SHTN1: variants seen among roughly 807,000 people sequenced by gnomAD.
SHTN1 encodes the protein shootin-1.
A neutral mutation model predicts 83.1 loss-of-function variants in SHTN1; 42 were observed. That is an observed-to-expected ratio of 0.51 (90% CI 0.39 to 0.65). SHTN1 has a LOEUF of 0.65. Among genes scored for constraint, SHTN1 ranks in the 30% least tolerant of loss-of-function variants. The pLI is 0.00. For missense variants in SHTN1, 622 were observed against 737.8 expected, an observed-to-expected ratio of 0.84 and a Z score of 1.82; for synonymous variants, 224 against 247.7, an observed-to-expected ratio of 0.90 and a Z score of 0.90.
intron 2 of SHTN1, among the ~76,000 whole-genome samples, chr10:117,026,677 C>A (rs962668872): frequency 3.9e-5 from 6 of 152,218 alleles, no homozygotes; most frequent in Non-Finnish European, 8.8e-5. Context: ...CTGCCTAAGC[C>A]TCCCAAAGTG....
intron 1 of SHTN1, among the ~76,000 whole-genome samples, chr10:117,106,903 C>A (rs1434977343): frequency 6.6e-6 from 1 of 152,034 alleles, no homozygotes; most frequent in South Asian, 2.1e-4. Context: ...TTTTCCTCAA[C>A]TGTAAAATAA....
chr10:116,908,587 A>C (rs1848066906), intron 14 of SHTN1, among the ~76,000 whole-genome samples: 1 of 152,208 alleles, frequency 6.6e-6, no homozygotes, highest in East Asian at 1.9e-4. Context: ...TCACTACTAA[A>C]ATAAGTTGTA....
At chr10:116,936,326 A>C (rs1169616546) in intron 9 of SHTN1, among the ~76,000 whole-genome samples, 2 of 152,184 alleles carry the variant, frequency 1.3e-5, no homozygotes, top group South Asian at 2.1e-4. Flanking sequence ...ATTTCCCTCT[A>C]AACACTGCTT....
intron 1 of SHTN1, among the ~76,000 whole-genome samples, chr10:117,084,680 A>T (rs536820247): frequency 1.3e-5 from 2 of 151,964 alleles, no homozygotes; most frequent in Non-Finnish European, 2.9e-5. Context: ...TGTGCTAGCA[A>T]TCAGCGAGAC....
chr10:116,983,692 ATACATACATAC>A (rs1564913764), intron 1 of SHTN1, among the ~76,000 whole-genome samples: 116 of 17,564 alleles, frequency 6.6e-3, no homozygotes, highest in Middle Eastern at 0.031. Flanking sequence ...AGATAAATAC[ATACATACATAC>A]ATACATACAT....
At chr10:116,959,721 C>G (rs1278026736) in intron 4 of SHTN1, among the ~76,000 whole-genome samples, 1 of 152,140 alleles carries the variant, frequency 6.6e-6, no homozygotes, top group East Asian at 1.9e-4. Context: ...CTGAAATGCA[C>G]GGCTTCAGGG....
At chr10:116,967,134 C>T (rs1357137185) in intron 3 of SHTN1, among the ~76,000 whole-genome samples, 6 of 152,326 alleles carry the variant, frequency 3.9e-5, no homozygotes, top group South Asian at 2.1e-4. Flanking sequence ...ACTGACAGAA[C>T]ATCTGCAGAA....
chr10:116,900,411 C>T, intron 16 of SHTN1: 3 of 804,476 alleles, frequency 3.7e-6, no homozygotes, highest in Non-Finnish European at 6.1e-6. Context: ...CAATTCAACA[C>T]ATATTTTGCA....
At chr10:117,065,875 AG>A (rs1564947566) in intron 1 of SHTN1, among the ~76,000 whole-genome samples, 2 of 34,980 alleles carry the variant, frequency 5.7e-5, no homozygotes, top group African/African-American at 2.1e-4. Flanking sequence ...GGAGGGAGGG[AG>A]GGAGGTGGGG....
chr10:117,006,508 G>A (rs1391789980), upstream of SHTN1, among the ~76,000 whole-genome samples: 1 of 146,842 alleles, frequency 6.8e-6, no homozygotes, highest in East Asian at 2.0e-4. Context: ...GGAGCTTGCA[G>A]TGAGCCGAGA....
At chr10:117,056,591 C>A (rs559908434) in intron 1 of SHTN1, among the ~76,000 whole-genome samples, 3 of 152,112 alleles carry the variant, frequency 2.0e-5, no homozygotes, top group Non-Finnish European at 4.4e-5. Flanking sequence ...AGGTGGATCA[C>A]CTGAGGTCAG....
At chr10:116,956,801 C>A (rs1407431964) in intron 4 of SHTN1, among the ~76,000 whole-genome samples, 2 of 152,142 alleles carry the variant, frequency 1.3e-5, no homozygotes, top group African/African-American at 4.8e-5. Flanking sequence ...CTCTACTTAA[C>A]AAAGTCACCA....
intron 2 of SHTN1, among the ~76,000 whole-genome samples, chr10:117,023,199 A>T (rs139413275): frequency 6.6e-6 from 1 of 152,358 alleles, no homozygotes; most frequent in African/African-American, 2.4e-5. Context: ...TTTTAGGCTT[A>T]CAAAAATAAG....
At chr10:116,907,405 A>G (rs1248272955) in intron 14 of SHTN1, among the ~76,000 whole-genome samples, 1 of 152,196 alleles carries the variant, frequency 6.6e-6, no homozygotes, top group Non-Finnish European at 1.5e-5. Flanking sequence ...TGTATTATTC[A>G]GGGCCCAGAA....
intron 1 of SHTN1, among the ~76,000 whole-genome samples, chr10:117,097,096 G>A (rs1564958294): frequency 6.6e-6 from 1 of 151,890 alleles, no homozygotes; most frequent in African/African-American, 2.4e-5. Context: ...TAGGGGCAAA[G>A]GGAAATTCAG....
intron 4 of SHTN1, 37 bp downstream of exon 4, chr10:116,960,098 TA>T: frequency 7.9e-7 from 1 of 1,269,866 alleles, no homozygotes; most frequent in Non-Finnish European, 1.1e-6. Flanking sequence ...AGTTGAAATT[TA>T]AAAGCTCAGG....
intron 6 of SHTN1, among the ~76,000 whole-genome samples, chr10:116,951,606 G>A (rs546225030): frequency 8.6e-4 from 131 of 152,262 alleles, no homozygotes; most frequent in South Asian, 1.5e-3. Context: ...TAAAATATAT[G>A]ACTTGAAATA....
chr10:117,082,375 G>C (rs1410097320), intron 1 of SHTN1, among the ~76,000 whole-genome samples: 1 of 148,000 alleles, frequency 6.8e-6, no homozygotes, highest in Non-Finnish European at 1.5e-5. Context: ...CTGAGTTCTA[G>C]TTTGATTGCG....
At chr10:116,955,295 T>C (rs1849945166) in intron 4 of SHTN1, among the ~76,000 whole-genome samples, 1 of 152,110 alleles carries the variant, frequency 6.6e-6, no homozygotes, top group African/African-American at 2.4e-5. Flanking sequence ...AGAAGTACAA[T>C]ATGGTTTTGC....
Sources: gnomAD v4.1 joint callset for allele counts (sites outside exome capture counted in the v4.1 genomes callset) on GRCh38, gnomAD v4.1.1 for gene constraint, MANE v1.5 for transcripts, NCBI Gene and HGNC (gene_info 2026-07-23, HGNC 2026-07-21) for gene names.